Variants in ZNF117 observed in about 807,000 individuals in gnomAD.
The protein encoded by ZNF117 is zinc finger protein 117.
A neutral mutation model predicts 41.2 loss-of-function variants in ZNF117; 37 were observed. The observed-to-expected ratio is 0.90, with a 90% CI of 0.69 to 1.18. The LOEUF (loss-of-function observed/expected upper bound fraction) is 1.18. Ranked by LOEUF, ZNF117 falls within the 50% of genes most tolerant of loss-of-function variation. The pLI is 0.00. For synonymous variants in ZNF117, 186 were observed against 186.6 expected, an observed-to-expected ratio of 1.00 and a Z score of 0.02; for missense variants, 546 against 557.5, an observed-to-expected ratio of 0.98 and a Z score of 0.21.
chr7:64,977,431 T>G (rs1179877708), exon 3 of ZNF117: 1 of 446,366 alleles, frequency 2.2e-6, no homozygotes, highest in Non-Finnish European at 4.4e-6. Flanking sequence ...TTCTTATGTG[T>G]AGTAAGTTTT....
chr7:64,980,669 C>T (rs1227258909), intron 2 of ZNF117: 2 of 151,788 alleles, frequency 1.3e-5, no homozygotes, highest in Non-Finnish European at 2.9e-5. Context: ...TTGTGAGTTG[C>T]AAGATAAAAG....
intron 2 of ZNF117, 35 bp from the exon 4 acceptor site, chr7:64,979,571 G>C: frequency 7.1e-7 from 1 of 1,404,610 alleles, no homozygotes; most frequent in Non-Finnish European, 9.4e-7. Flanking sequence ...TACTTCACTT[G>C]CTCGACTCAG....
chr7:64,979,106 A>G (rs1025554602), exon 3 of ZNF117: 1 of 1,612,772 alleles, frequency 6.2e-7, no homozygotes, highest in East Asian at 2.2e-5. Context: ...GAATTCTCTT[A>G]TGTTTATTAA....
At chr7:64,988,552 G>A (rs1786183796) in intron 1 of ZNF117, among the ~76,000 whole-genome samples, 1 of 152,180 alleles carries the variant, frequency 6.6e-6, no homozygotes, top group South Asian at 2.1e-4. Flanking sequence ...AGACAAGGAT[G>A]TTTTCTCTCA....
chr7:64,978,992 G>A, exon 3 of ZNF117: 4 of 1,613,424 alleles, frequency 2.5e-6, no homozygotes, highest in Non-Finnish European at 3.4e-6. Flanking sequence ...CTTCACATTT[G>A]TAGGGTTTCT....
At chr7:64,977,993 C>T (rs1785927378) in exon 3 of ZNF117, 5 of 1,285,902 alleles carry the variant, frequency 3.9e-6, no homozygotes, top group Non-Finnish European at 5.5e-6. Context: ...TGTGTAACTT[C>T]TCTCCAGTAT....
exon 3 of ZNF117, chr7:64,975,888 C>T (rs1460553476): frequency 6.6e-6 from 1 of 152,164 alleles, no homozygotes; most frequent in East Asian, 1.9e-4. Context: ...ATACTTACTG[C>T]ATCTGCAAAA....
exon 3 of ZNF117, chr7:64,976,197 T>C (rs1222601177): frequency 6.6e-6 from 1 of 152,266 alleles, no homozygotes; most frequent in Non-Finnish European, 1.5e-5. Context: ...ATCCCAGCAC[T>C]TTGGGAGGCA....
exon 3 of ZNF117, chr7:64,976,535 T>G (rs1785891471): frequency 5.2e-6 from 1 of 193,900 alleles, no homozygotes; most frequent in Non-Finnish European, 1.1e-5. Context: ...GAGTAAGATG[T>G]AAGCAGATAT....
chr7:64,974,087 T>C (rs1785825410), downstream of ZNF117: 1 of 151,868 alleles, frequency 6.6e-6, no homozygotes, highest in African/African-American at 2.4e-5. Flanking sequence ...TTTACTTATG[T>C]CAATTATAAC....
At chr7:64,989,390 A>G (rs1256180001) in intron 1 of ZNF117, among the ~76,000 whole-genome samples, 1 of 143,092 alleles carries the variant, frequency 7.0e-6, no homozygotes, top group African/African-American at 2.6e-5. Context: ...TTCTTACATG[A>G]TATATAAAAA....
chr7:64,975,318 ATAC>A (rs1175221076), exon 3 of ZNF117: 2 of 151,708 alleles, frequency 1.3e-5, no homozygotes, highest in South Asian at 2.1e-4. Context: ...GTAAAATGAT[ATAC>A]TACTAATTTT....
At chr7:64,981,244 T>C in intron 2 of ZNF117, 143 bp downstream of exon 3, 1 of 996,844 alleles carries the variant, frequency 1.0e-6, no homozygotes, top group East Asian at 2.5e-5. Context: ...ATGTTCTATG[T>C]GAGAGAAAAA....
At position 64,978,808 on chromosome 7, in the gene ZNF117, C is replaced by T. The variant is rs377026120; in HGVS notation, c.763G>A (p.Gly255Ser). ...TTTGAGGATCGGTTAAAAGCTTTGCCGCATTCTTCACATTCATAACGTTTC... is the reference window on the plus strand; with the variant it reads ...TTTGAGGATCGGTTAAAAGCTTTGCTGCATTCTTCACATTCATAACGTTTC... The change falls in exon 3 of 3, where the codon GGC becomes AGC. Residue 255 changes from glycine to serine, a missense_variant. By Grantham distance (56) the Gly-to-Ser change is moderately conservative. Transcript: ENST00000620222. 2.0e-4 allele frequency: 330 copies of T among 1,613,406 alleles called. No individual in the cohort carries two copies. Among genetic ancestry groups the T allele is most frequent in the African/African-American group, 6.9e-4 (52 of 74,972 alleles).
chr7:64,978,921 C>G, exon 3 of ZNF117: 1 of 1,613,288 alleles, frequency 6.2e-7, no homozygotes, highest in Non-Finnish European at 8.5e-7. Context: ...GGGAATTTCC[C>G]CAGTATGAAT....
At chr7:64,990,438 G>C in exon 1 of ZNF117, 1 of 185,706 alleles carries the variant, frequency 5.4e-6, no homozygotes, top group Non-Finnish European at 1.1e-5. Flanking sequence ...ACAAAGACAG[G>C]GCTTGACTTT....
exon 3 of ZNF117, chr7:64,976,862 T>C (rs1248338589): frequency 2.2e-6 from 1 of 453,392 alleles, no homozygotes; most frequent in Admixed American, 2.6e-5. Context: ...AGTTTGAGAT[T>C]TAGTTACAAG....
chr7:64,972,049 G>A (rs1345679457), downstream of ZNF117: 1 of 151,796 alleles, frequency 6.6e-6, no homozygotes, highest in Non-Finnish European at 1.5e-5. Flanking sequence ...TTCAAGAAAA[G>A]ACAAATGGTC....
exon 3 of ZNF117, chr7:64,977,325 C>A: frequency 2.4e-6 from 1 of 419,132 alleles, no homozygotes; most frequent in South Asian, 1.9e-5. Context: ...GCATTTCTCT[C>A]CAGTGTGAAT....
Sources: gnomAD v4.1 joint callset for allele counts (sites outside exome capture counted in the v4.1 genomes callset) on GRCh38, gnomAD v4.1.1 for gene constraint, MANE v1.5 for transcripts, NCBI Gene and HGNC (gene_info 2026-07-23, HGNC 2026-07-21) for gene names.